Variants in PTPRT observed in about 807,000 individuals in gnomAD.
PTPRT encodes the protein receptor-type tyrosine-protein phosphatase T.
Under a neutral mutation model 176.8 loss-of-function variants are expected in PTPRT, and 56 were observed. The ratio of observed to expected loss-of-function variants is 0.32; its 90% CI spans 0.26 to 0.40. PTPRT has a LOEUF of 0.40. Ranked by LOEUF, PTPRT falls within the 10% of genes least tolerant of loss-of-function variation. The probability of loss-of-function intolerance (pLI) is 1.00; values close to 1 mark genes in which losing one functional copy is unlikely to be tolerated. For missense variants in PTPRT, 1,540 were observed against 1,908.2 expected, an observed-to-expected ratio of 0.81 and a Z score of 3.60; for synonymous variants, 783 against 739.0, an observed-to-expected ratio of 1.06 and a Z score of -0.96.
intron 1 of PTPRT, among the ~76,000 whole-genome samples, chr20:42,911,981 T>C (rs930311006): frequency 6.6e-6 from 1 of 150,512 alleles, no homozygotes; most frequent in African/African-American, 2.4e-5. Flanking sequence ...CTTTTCTTTT[T>C]TTTTTTTTTT....
At chr20:42,518,975 G>A (rs184270732) in intron 7 of PTPRT, among the ~76,000 whole-genome samples, 104 of 152,194 alleles carry the variant, frequency 6.8e-4, no homozygotes, top group Admixed American at 1.9e-3. Flanking sequence ...AAGCTCTCAT[G>A]TACCCTTTAT....
At chr20:43,128,038 A>G (rs921974814) in intron 1 of PTPRT, among the ~76,000 whole-genome samples, 2 of 152,208 alleles carry the variant, frequency 1.3e-5, no homozygotes, top group African/African-American at 4.8e-5. Flanking sequence ...TACTCTTTCC[A>G]TAGTAGCGGT....
At chr20:42,247,000 G>A (rs1296429513) in intron 14 of PTPRT, among the ~76,000 whole-genome samples, 4 of 152,158 alleles carry the variant, frequency 2.6e-5, no homozygotes, top group Non-Finnish European at 4.4e-5. Context: ...TAGTCACTGG[G>A]ACATATAATG....
chr20:42,493,988 C>A (rs2071605789), intron 7 of PTPRT, among the ~76,000 whole-genome samples: 1 of 152,056 alleles, frequency 6.6e-6, no homozygotes, highest in Non-Finnish European at 1.5e-5. Flanking sequence ...TGTTGTCTTC[C>A]AGAAAAGTCT....
At chr20:43,145,732 A>C (rs1347257876) in intron 1 of PTPRT, among the ~76,000 whole-genome samples, 1 of 152,246 alleles carries the variant, frequency 6.6e-6, no homozygotes, top group Non-Finnish European at 1.5e-5. Context: ...AGCCTTCTCC[A>C]GCTCTCCAAA....
intron 9 of PTPRT, among the ~76,000 whole-genome samples, chr20:42,436,441 T>C (rs2059262823): frequency 6.6e-6 from 1 of 152,140 alleles, no homozygotes; most frequent in Non-Finnish European, 1.5e-5. Context: ...TGAAATACAA[T>C]ATTCTACCTC....
intron 13 of PTPRT, among the ~76,000 whole-genome samples, chr20:42,263,366 C>T (rs2056783896): frequency 7.2e-6 from 1 of 138,978 alleles, no homozygotes; most frequent in Admixed American, 7.2e-5. Flanking sequence ...CGCTGCCATG[C>T]CTGGCTTTTT....
chr20:42,744,896 G>C (rs1264377045), intron 6 of PTPRT, among the ~76,000 whole-genome samples: 1 of 152,240 alleles, frequency 6.6e-6, no homozygotes, highest in African/African-American at 2.4e-5. Context: ...CAGGGCCCTA[G>C]TGATTGCAGA....
At chr20:42,203,280 A>T (rs1376930199) in intron 15 of PTPRT, among the ~76,000 whole-genome samples, 1 of 152,220 alleles carries the variant, frequency 6.6e-6, no homozygotes, top group Non-Finnish European at 1.5e-5. Context: ...AGAAAAATTG[A>T]CATTCATCTC....
intron 6 of PTPRT, among the ~76,000 whole-genome samples, chr20:42,681,381 G>A (rs960948380): frequency 1.3e-5 from 2 of 152,160 alleles, no homozygotes; most frequent in African/African-American, 2.4e-5. Context: ...GTCATGATGC[G>A]GGTGGCAGAG....
intron 1 of PTPRT, among the ~76,000 whole-genome samples, chr20:43,160,680 T>C (rs983268251): frequency 2.6e-5 from 4 of 152,166 alleles, no homozygotes; most frequent in South Asian, 4.1e-4. Context: ...TTTTTTTTAA[T>C]CTACAGTGTT....
intron 9 of PTPRT, among the ~76,000 whole-genome samples, chr20:42,400,132 G>A (rs1009101009): frequency 3.3e-5 from 5 of 152,138 alleles, no homozygotes; most frequent in Non-Finnish European, 7.3e-5. Flanking sequence ...GGCATTACCC[G>A]TGCCAGATTA....
At chr20:43,071,421 G>T (rs985191277) in intron 1 of PTPRT, among the ~76,000 whole-genome samples, 2 of 152,160 alleles carry the variant, frequency 1.3e-5, no homozygotes, top group Non-Finnish European at 2.9e-5. Flanking sequence ...GCCTCAGAGT[G>T]CAGCCTCAAT....
chr20:42,627,655 G>A (rs554132097), intron 7 of PTPRT, among the ~76,000 whole-genome samples: 1 of 152,196 alleles, frequency 6.6e-6, no homozygotes, highest in Non-Finnish European at 1.5e-5. Flanking sequence ...ATCTACGGAG[G>A]CTTCAACAGA....
At chr20:42,639,473 C>T (rs558386348) in intron 7 of PTPRT, among the ~76,000 whole-genome samples, 2 of 152,224 alleles carry the variant, frequency 1.3e-5, no homozygotes, top group Middle Eastern at 3.4e-3. Context: ...CCGCTCTCTC[C>T]GCAATTCCCA....
At chr20:42,290,250 G>A (rs1370365822) in intron 12 of PTPRT, among the ~76,000 whole-genome samples, 1 of 152,018 alleles carries the variant, frequency 6.6e-6, no homozygotes, top group South Asian at 2.1e-4. Flanking sequence ...TTCTGGGACA[G>A]TACAATATAA....
chr20:42,213,123 G>A (rs1231823803), intron 15 of PTPRT, among the ~76,000 whole-genome samples: 2 of 152,102 alleles, frequency 1.3e-5, no homozygotes, highest in African/African-American at 4.8e-5. Context: ...CTTCACCTGG[G>A]GATGTATTAG....
intron 24 of PTPRT, among the ~76,000 whole-genome samples, chr20:42,105,236 G>T (rs557048115): frequency 6.6e-6 from 1 of 152,332 alleles, no homozygotes; most frequent in Admixed American, 6.5e-5. Flanking sequence ...TGTCTACAGT[G>T]TTTAACAACT....
chr20:42,145,862 A>C lies in PTPRT; in HGVS notation c.2683-3860T>G, dbSNP rs576882282. Among the ~76,000 whole-genome samples the C allele has an allele frequency of 1.1e-4, 16 of 152,344 alleles. No individual in the cohort carries two copies. The South Asian group carries it at 2.9e-3, about 28-fold the overall frequency. On this transcript the variant is annotated intron_variant, in intron 17 of 30. Coordinates refer to ENST00000373187, the MANE Select transcript of PTPRT (RefSeq NM_007050.6). ...AGACAAACATCCTGGAAGAGAAGCA[A>C]TACAGGTGCTAGGTTTTGGGCACCA...
Sources: allele counts gnomAD v4.1 joint callset (sites outside exome capture counted in the v4.1 genomes callset), GRCh38; gene constraint gnomAD v4.1.1; transcripts MANE v1.5; gene names NCBI Gene and HGNC (gene_info 2026-07-23, HGNC 2026-07-21).